C8orf34: variants seen among roughly 807,000 people sequenced by gnomAD.
The protein encoded by C8orf34 is chromosome 8 open reading frame 34.
A neutral mutation model predicts 68.3 loss-of-function variants in C8orf34; 65 were observed. The observed-to-expected ratio is 0.95, with a 90% CI of 0.78 to 1.17. The LOEUF is 1.17. Ranked by LOEUF, C8orf34 falls within the 50% of genes most tolerant of loss-of-function variation. C8orf34 has a pLI of 0.00. For missense variants in C8orf34, 664 were observed against 655.4 expected, an observed-to-expected ratio of 1.01 and a Z score of -0.14; for synonymous variants, 244 against 241.2, an observed-to-expected ratio of 1.01 and a Z score of -0.11.
chr8:68,712,953 TC>T (rs1821366743), intron 9 of C8orf34, among the ~76,000 whole-genome samples: 1 of 151,780 alleles, frequency 6.6e-6, no homozygotes, highest in African/African-American at 2.4e-5. Context: ...TTTAAGAAAA[TC>T]AAAATTATAT....
intron 1 of C8orf34, among the ~76,000 whole-genome samples, chr8:68,368,999 C>T (rs963281125): frequency 2.6e-5 from 4 of 152,136 alleles, no homozygotes; most frequent in African/African-American, 7.2e-5. Context: ...TCACCTTTCT[C>T]CTGGATAATG....
At chr8:68,649,239 C>G (rs1356209546) in intron 8 of C8orf34, among the ~76,000 whole-genome samples, 3 of 152,162 alleles carry the variant, frequency 2.0e-5, no homozygotes, top group Non-Finnish European at 4.4e-5. Context: ...TGCCATGTTT[C>G]AAGAGATATA....
intron 10 of C8orf34, among the ~76,000 whole-genome samples, chr8:68,740,119 A>G (rs1822239371): frequency 6.6e-6 from 1 of 152,202 alleles, no homozygotes; most frequent in Non-Finnish European, 1.5e-5. Context: ...TGAATTAAAG[A>G]CTTAAATGTG....
At chr8:68,514,053 T>C (rs777839375) in intron 5 of C8orf34, among the ~76,000 whole-genome samples, 10 of 152,190 alleles carry the variant, frequency 6.6e-5, no homozygotes, top group Non-Finnish European at 1.5e-4. Flanking sequence ...TTAGTTCAGT[T>C]AAAGATGAGG....
chr8:68,648,626 A>T (rs944380534), intron 8 of C8orf34, among the ~76,000 whole-genome samples: 2 of 152,186 alleles, frequency 1.3e-5, no homozygotes, highest in African/African-American at 4.8e-5. Flanking sequence ...GCTTAACATC[A>T]ATAGTGCACA....
At position 68,673,157 on chromosome 8, in the gene C8orf34, A is replaced by T. The variant is rs1820069803; in HGVS notation, c.1241+32646A>T. On this transcript the variant is annotated intron_variant, in intron 8 of 13. Coordinates refer to ENST00000518698, the MANE Select transcript of C8orf34 (RefSeq NM_052958.4). The stretch of plus-strand genomic sequence containing the variant: ...GTACTCTCTGTGGGCCTTAGATGAA[A>T]CTCAGATATGTGTGGGCTTCAGCTG... 2.6e-5 allele frequency among the ~76,000 whole-genome samples: 4 copies of T among 152,034 alleles called. No individual in the cohort carries two copies. In the South Asian group the frequency reaches 8.3e-4, roughly 32 times the overall value.
chr8:68,441,015 A>T (rs945893203), intron 2 of C8orf34, among the ~76,000 whole-genome samples: 1 of 152,142 alleles, frequency 6.6e-6, no homozygotes, highest in African/African-American at 2.4e-5. Flanking sequence ...TGTGTTAGCC[A>T]GGATGGTCTC....
At chr8:68,745,102 T>C (rs1165287301) in intron 10 of C8orf34, among the ~76,000 whole-genome samples, 3 of 152,058 alleles carry the variant, frequency 2.0e-5, no homozygotes, top group Non-Finnish European at 4.4e-5. Context: ...AGAAAAGAAT[T>C]TTCAACCCAG....
At chr8:68,405,806 T>C (rs1809166671) in intron 1 of C8orf34, among the ~76,000 whole-genome samples, 1 of 152,282 alleles carries the variant, frequency 6.6e-6, no homozygotes, top group African/African-American at 2.4e-5. Context: ...TAAAGATGAA[T>C]AAACTACTTA....
intron 1 of C8orf34, among the ~76,000 whole-genome samples, chr8:68,399,161 A>G (rs1413467858): frequency 6.6e-6 from 1 of 151,898 alleles, no homozygotes; most frequent in Non-Finnish European, 1.5e-5. Flanking sequence ...TATTTATATG[A>G]GTTTATTTCA....
intron 8 of C8orf34, among the ~76,000 whole-genome samples, chr8:68,697,020 T>C (rs1448172499): frequency 2.0e-5 from 3 of 152,068 alleles, no homozygotes; most frequent in Admixed American, 6.6e-5. Flanking sequence ...TGCGTATTTT[T>C]CTCCATCCTT....
At chr8:68,364,852 A>T (rs1174451391) in intron 1 of C8orf34, among the ~76,000 whole-genome samples, 1 of 152,110 alleles carries the variant, frequency 6.6e-6, no homozygotes, top group African/African-American at 2.4e-5. Context: ...AAGCAAGAGC[A>T]AACACATTCA....
chr8:68,473,354 C>T (rs1812462647), intron 4 of C8orf34, among the ~76,000 whole-genome samples: 1 of 152,088 alleles, frequency 6.6e-6, no homozygotes, highest in African/African-American at 2.4e-5. Context: ...CATAACATAC[C>T]AGGAAGCTGG....
At chr8:68,587,208 A>G (rs1259910411) in intron 7 of C8orf34, among the ~76,000 whole-genome samples, 2 of 152,040 alleles carry the variant, frequency 1.3e-5, no homozygotes, top group African/African-American at 4.8e-5. Flanking sequence ...CTATCATAGG[A>G]TTTCTTTTTT....
intron 1 of C8orf34, among the ~76,000 whole-genome samples, chr8:68,428,720 T>G (rs963335131): frequency 6.6e-6 from 1 of 152,102 alleles, no homozygotes; most frequent in African/African-American, 2.4e-5. Context: ...GCTGTGGTCA[T>G]GAAGATGTTG....
At chr8:68,455,479 T>C (rs1811507253) in intron 3 of C8orf34, among the ~76,000 whole-genome samples, 1 of 152,202 alleles carries the variant, frequency 6.6e-6, no homozygotes, top group South Asian at 2.1e-4. Context: ...TTTTTATCAC[T>C]ATATAATGCC....
intron 10 of C8orf34, among the ~76,000 whole-genome samples, chr8:68,723,658 G>A (rs1206802039): frequency 2.0e-5 from 3 of 151,840 alleles, no homozygotes; most frequent in Non-Finnish European, 4.4e-5. Context: ...TTTTGCAAAG[G>A]TTTATCAGCT....
chr8:68,466,762 T>TATATATATAG (rs1812163758), intron 3 of C8orf34, among the ~76,000 whole-genome samples: 1 of 131,284 alleles, frequency 7.6e-6, no homozygotes, highest in Non-Finnish European at 1.7e-5. Flanking sequence ...TATATATATA[T>TATATATATAG]ATAGATGCTT....
At chr8:68,399,379 T>C (rs922270567) in intron 1 of C8orf34, among the ~76,000 whole-genome samples, 1 of 152,136 alleles carries the variant, frequency 6.6e-6, no homozygotes, top group Non-Finnish European at 1.5e-5. Context: ...GTACAGATTA[T>C]TTAACTCCCA....
Sources: allele counts gnomAD v4.1 joint callset (sites outside exome capture counted in the v4.1 genomes callset), GRCh38; gene constraint gnomAD v4.1.1; transcripts MANE v1.5; gene names NCBI Gene and HGNC (gene_info 2026-07-23, HGNC 2026-07-21).